Variants in SELENOH observed in about 807,000 individuals in gnomAD.
SELENOH encodes the protein selenoprotein H, also known as chromosome 11 open reading frame 31.
SELENOH carries 13 observed loss-of-function variants against 11.9 expected under a neutral mutation model. That is an observed-to-expected ratio of 1.09 (90% CI 0.71 to 1.74). The LOEUF is 1.74. Among genes scored for constraint, SELENOH ranks in the 40% most tolerant of loss-of-function variants. SELENOH has a pLI of 0.00. For synonymous variants in SELENOH, 96 were observed against 73.5 expected, an observed-to-expected ratio of 1.31 and a Z score of -1.56; for missense variants, 223 against 170.3, an observed-to-expected ratio of 1.31 and a Z score of -1.72.
At chr11:57,742,335 G>T (rs1949106042) in intron 3 of SELENOH, 88 bp downstream of exon 3, 1 of 956,134 alleles carries the variant, frequency 1.0e-6, no homozygotes, top group Non-Finnish European at 1.6e-6. Context: ...ACCTGGCGTG[G>T]GTAGCTCACG....
rs371576974 is a variant in SELENOH, at chr11:57,741,899, G to C, written c.213G>C (p.Pro71=). 1 of 1,594,138 alleles carries C rather than the reference G, an allele frequency of 6.3e-7. No homozygotes were observed. Among genetic ancestry groups the C allele is most frequent in the East Asian group, 2.2e-5 (1 of 44,710 alleles). The change falls in exon 2 of 4, where the codon CCG becomes CCC. Residue 71 remains proline (P), a synonymous_variant. Transcript: ENST00000534355. ...EAPELPVKVN[P]TKPRRGSFEV... ...CAGAGCTTCCAGTAAAGGTGAACCC[G>C]ACGAAGCCCCGGAGGGGCAGCTTCG...
In SELENOH at chr11:57,741,711, A is replaced by G. The variant is rs1452524968; in HGVS notation, c.116A>G (p.Glu39Gly). ...EGMEEATVVI[E>G]HCTSURVYGR... ...ATGGAGGAGGCGACCGTTGTTATCG[A>G]GCATTGGTGAGGGGCCTGGAGAGTA... Residue 39 changes from glutamate (E) to glycine (G), a missense_variant, in exon 1 of 4, where the codon GAG (glutamate) becomes GGG (glycine). Physicochemically the swap from Glu to Gly is moderately conservative, Grantham distance 98 (BLOSUM62 -2). Transcript: ENST00000534355. 4 of 1,563,980 alleles carry G rather than the reference A, an allele frequency of 2.6e-6. No individual in the cohort carries two copies. The highest frequency in any genetic ancestry group is 2.8e-5 in the African/African-American group (2 of 71,968).
Position 57,742,890 on chromosome 11 carries a change from T to C in SELENOH, c.*58T>C, listed in dbSNP as rs1455822019. The C allele has an allele frequency of 6.5e-6, 1 of 152,724 alleles. No homozygotes were observed. The highest frequency in any genetic ancestry group is 1.5e-5 in the Non-Finnish European group (1 of 68,152). 9.5% of individuals were successfully genotyped at this position (152,724 alleles called of 1,614,324 possible). A position where few individuals can be genotyped will look rare whatever the true frequency, so the allele number is the denominator to read the frequency against. On this transcript the variant is annotated 3_prime_UTR_variant, in exon 4 of 4. Transcript: ENST00000534355. ...TTGTGTCCCTGGTGATGTTGGAACA[T>C]TAATGATGGAACATGGCCAAACTTC... is the stretch of plus-strand genomic sequence containing the variant.
At chr11:57,742,317 AAGTACCCACC>A in intron 3 of SELENOH, 70 bp downstream of exon 3, 1 of 1,191,940 alleles carries the variant, frequency 8.4e-7, no homozygotes. Context: ...GTGTGGCTAC[AAGTACCCACC>A]TGGCGTGGGT....
chr11:57,741,644 G>A lies in SELENOH; in HGVS notation c.49G>A (p.Val17Ile), dbSNP rs777244759. 9 of 1,382,532 alleles carry A rather than the reference G, an allele frequency of 6.5e-6. No individual in the cohort carries two copies. The highest frequency in any genetic ancestry group is 2.7e-4 in the Middle Eastern group (1 of 3,644). The allele number at this position is 1,382,532 out of a possible 1,614,324, so 85.6% of individuals were successfully genotyped here. A position where few individuals can be genotyped will look rare whatever the true frequency, so the allele number is the denominator to read the frequency against. ...KRKAEAAVVAVAEKREKLANG... is the reference protein window; with the variant it reads ...KRKAEAAVVAIAEKREKLANG... The stretch of plus-strand genomic sequence containing the variant: ...TAAGGCTGAGGCCGCGGTGGTCGCC[G>A]TAGCCGAGAAGCGAGAGAAGCTGGC... Residue 17 changes from valine (V) to isoleucine (I), a missense_variant, in exon 1 of 4, where the codon GTA (valine) becomes ATA (isoleucine). Val to Ile is a conservative substitution (Grantham distance 29, BLOSUM62 3). Transcript: ENST00000534355.
rs771021142 is a variant in SELENOH at position 57,742,097 on chromosome 11, G to C, written c.269-20G>C. 1 of 1,604,290 alleles carries C rather than the reference G, an allele frequency of 6.2e-7. No individual in the cohort carries two copies. Among genetic ancestry groups the C allele is most frequent in the Admixed American group, 1.7e-5 (1 of 58,244 alleles). ...GTGGGTTCCGAAGTATTGTAACTTC[G>C]CTTCATTCTGGCCTTTCAGGTGCGG... is the stretch of plus-strand genomic sequence containing the variant. On this transcript the variant is annotated intron_variant, in intron 2 of 3. Coordinates refer to ENST00000534355, the MANE Select transcript of SELENOH (RefSeq NM_170746.4).
In SELENOH at chr11:57,742,159, A is replaced by C. The variant is rs757108374; in HGVS notation, c.311A>C (p.Lys104Thr). The C allele has an allele frequency of 1.9e-6, 3 of 1,612,332 alleles. No individual in the cohort carries two copies. Among genetic ancestry groups the C allele is most frequent in the East Asian group, 4.5e-5 (2 of 44,854 alleles). Residue 104 changes from lysine to threonine, a missense_variant, in exon 3 of 4, where the codon AAA becomes ACA. Physicochemically the swap from Lys to Thr is moderately conservative, Grantham distance 78. Transcript: ENST00000534355. ...WTGIKKGPPR[K>T]LKFPEPQEVV... ...GGGATTAAGAAGGGGCCCCCACGCA[A>C]ACTCAAATTCCCTGAGCCTCAAGAG...
chr11:57,741,783 T>G, intron 1 of SELENOH, 26 bp from the exon 2 acceptor site: 5 of 1,601,906 alleles, frequency 3.1e-6, no homozygotes, highest in Non-Finnish European at 4.3e-6. Context: ...GGGGCCCCGG[T>G]TTCTAACCTC....
At chr11:57,742,424 CAA>C (rs1299511375) in intron 3 of SELENOH, 177 bp downstream of exon 3, 2 of 571,348 alleles carry the variant, frequency 3.5e-6, no homozygotes, top group East Asian at 2.9e-5. Context: ...AAACAAAAAA[CAA>C]AAAAAAGACA....
In SELENOH at chr11:57,741,944, G is replaced by A. The variant is rs375166257; in HGVS notation, c.258G>A (p.Pro86=). ...GCTTCGAGGTGACGCTGCTGCGCCCGGACGGCAGCAGTAAGTGGGGACCTG... is the reference window on the plus strand; with the variant it reads ...GCTTCGAGGTGACGCTGCTGCGCCCAGACGGCAGCAGTAAGTGGGGACCTG... ...RGSFEVTLLR[P]DGSSAELWTG... Residue 86 remains proline, a synonymous_variant, in exon 2 of 4, where the codon CCG becomes CCA. Transcript: ENST00000534355. 38 of 1,587,862 alleles carry A rather than the reference G, an allele frequency of 2.4e-5. No homozygotes were observed. The African/African-American group carries it at 3.3e-4, about 14-fold the overall frequency.
chr11:57,742,150 C>G lies in SELENOH; in HGVS notation c.302C>G (p.Pro101Arg). The change falls in exon 3 of 4, where the codon CCC becomes CGC. Residue 101 changes from proline to arginine, a missense_variant. Transcript: ENST00000534355. The part of the protein sequence containing the change: ...AELWTGIKKG[P>R]PRKLKFPEPQ... The stretch of plus-strand genomic sequence containing the variant: ...CTCTGGACTGGGATTAAGAAGGGGC[C>G]CCCACGCAAACTCAAATTCCCTGAG... 2 of 1,612,042 alleles carry G rather than the reference C, an allele frequency of 1.2e-6. No homozygotes were observed. The highest frequency in any genetic ancestry group is 1.7e-6 in the Non-Finnish European group (2 of 1,179,160).
intron 2 of SELENOH, 51 bp from the exon 3 acceptor site, chr11:57,742,066 G>C (rs1188333378): frequency 6.3e-7 from 1 of 1,588,702 alleles, no homozygotes; most frequent in Non-Finnish European, 8.6e-7. Flanking sequence ...CTTCAGAGAC[G>C]TGCTCGTGGG....
chr11:57,742,017 C>G, intron 2 of SELENOH, 63 bp downstream of exon 2: 1 of 1,580,444 alleles, frequency 6.3e-7, no homozygotes. Flanking sequence ...GTTCCGAAGA[C>G]AGGAAGCGCT....
Position 57,742,155 on chromosome 11 carries a change from C to G in SELENOH, c.307C>G (p.Arg103Gly), listed in dbSNP as rs753722142. The G allele has an allele frequency of 9.3e-6, 15 of 1,612,064 alleles. No homozygotes were observed. Among genetic ancestry groups the G allele is most frequent in the Non-Finnish European group, 9.3e-6 (11 of 1,179,220 alleles). Residue 103 changes from arginine (R) to glycine (G), a missense_variant, in exon 3 of 4, where the codon CGC becomes GGC. Coordinates refer to ENST00000534355, the MANE Select transcript of SELENOH (RefSeq NM_170746.4). The part of the protein sequence containing the change: ...LWTGIKKGPP[R>G]KLKFPEPQEV... ...GACTGGGATTAAGAAGGGGCCCCCA[C>G]GCAAACTCAAATTCCCTGAGCCTCA...
intron 3 of SELENOH, chr11:57,742,569 C>T (rs1949115503): frequency 3.3e-6 from 1 of 301,596 alleles, no homozygotes; most frequent in Non-Finnish European, 6.3e-6. Context: ...TTATGCTTAT[C>T]CCTACCCTCT....
chr11:57,741,621 A>G lies in SELENOH; in HGVS notation c.26A>G (p.Lys9Arg). 1.5e-6 allele frequency: 2 copies of G among 1,300,248 alleles called. No individual in the cohort carries two copies. Among genetic ancestry groups the G allele is most frequent in the Non-Finnish European group, 2.0e-6 (2 of 1,016,884 alleles). 80.5% of individuals were successfully genotyped at this position (1,300,248 alleles called of 1,614,324 possible). The change falls in exon 1 of 4, where the codon AAG becomes AGG. Residue 9 changes from lysine to arginine, a missense_variant. Coordinates refer to ENST00000534355, the MANE Select transcript of SELENOH (RefSeq NM_170746.4). ...ATGGCTCCCCGCGGGAGGAAGCGTA[A>G]GGCTGAGGCCGCGGTGGTCGCCGTA... is the stretch of plus-strand genomic sequence containing the variant. MAPRGRKR[K>R]AEAAVVAVAE...
intron 3 of SELENOH, 52 bp downstream of exon 3, chr11:57,742,299 T>G: frequency 7.5e-7 from 1 of 1,333,166 alleles, no homozygotes; most frequent in Non-Finnish European, 1.1e-6. Context: ...GAGAAGGCAT[T>G]GATCTTGGTG....
rs376289885 is a variant in SELENOH at position 57,741,725 on chromosome 11, G to A, written c.122+8G>A. The A allele has an allele frequency of 8.2e-6, 13 of 1,591,572 alleles. No individual in the cohort carries two copies. Among genetic ancestry groups the A allele is most frequent in the African/African-American group, 1.4e-5 (1 of 74,008 alleles). ...CGTTGTTATCGAGCATTGGTGAGGG[G>A]CCTGGAGAGTAACGGGAGAGAGGGA... is the stretch of plus-strand genomic sequence containing the variant. On this transcript the variant is annotated splice_region_variant and intron_variant, in intron 1 of 3. Transcript: ENST00000534355.
chr11:57,741,729 G>A lies in SELENOH; in HGVS notation c.122+12G>A. The A allele has an allele frequency of 6.3e-7, 1 of 1,592,560 alleles. No individual in the cohort carries two copies. The highest frequency in any genetic ancestry group is 8.5e-7 in the Non-Finnish European group (1 of 1,172,158). ...GTTATCGAGCATTGGTGAGGGGCCT[G>A]GAGAGTAACGGGAGAGAGGGAACAG... On this transcript the variant is annotated intron_variant, in intron 1 of 3. Coordinates refer to ENST00000534355, the MANE Select transcript of SELENOH (RefSeq NM_170746.4).
Sources: allele counts gnomAD v4.1 joint callset, GRCh38; gene constraint gnomAD v4.1.1; transcripts MANE v1.5; gene names NCBI Gene and HGNC (gene_info 2026-07-23, HGNC 2026-07-21).